Variants in NCOA3 observed in about 807,000 individuals in gnomAD.
NCOA3 encodes nuclear receptor coactivator 3.
NCOA3 carries 51 observed loss-of-function variants against 158.8 expected under a neutral mutation model. The observed-to-expected ratio is 0.32, with a 90% CI of 0.26 to 0.41. The LOEUF (loss-of-function observed/expected upper bound fraction) is 0.41, where lower values mean the gene tolerates loss of function less well. Among genes scored for constraint, NCOA3 ranks in the 10% least tolerant of loss-of-function variants. NCOA3 has a pLI of 1.00. For missense variants in NCOA3, 1,510 were observed against 1,746.6 expected, an observed-to-expected ratio of 0.86 and a Z score of 2.41; for synonymous variants, 537 against 592.4, an observed-to-expected ratio of 0.91 and a Z score of 1.36.
At chr20:47,523,699 C>G (rs72661191) in intron 1 of NCOA3, among the ~76,000 whole-genome samples, 14 of 152,276 alleles carry the variant, frequency 9.2e-5, no homozygotes, top group Admixed American at 3.9e-4. Flanking sequence ...CAGCATGTTT[C>G]GTTTAAAACT....
At chr20:47,642,164 T>G in intron 16 of NCOA3, 49 bp from the exon 17 acceptor site, 1 of 1,416,638 alleles carries the variant, frequency 7.1e-7, no homozygotes, top group Non-Finnish European at 9.5e-7. Flanking sequence ...TCTATTACTC[T>G]TAGAAAAAAA....
Position 47,635,790 on chromosome 20 carries a change from A to C in NCOA3, c.1504+77A>C. ...TTTCCATACTACTATAATTCTTGTAAAGTTAATCTATTTTATAATAGAAAC... is the reference window on the plus strand; with the variant it reads ...TTTCCATACTACTATAATTCTTGTACAGTTAATCTATTTTATAATAGAAAC... On this transcript the variant is annotated intron_variant, in intron 11 of 22. Transcript: ENST00000371998. 2.7e-6 allele frequency: 4 copies of C among 1,488,698 alleles called. No individual in the cohort carries two copies. In the South Asian group the frequency reaches 4.1e-5, roughly 15 times the overall value. The allele number at this position is 1,488,698 out of a possible 1,614,324, so 92.2% of individuals were successfully genotyped here.
intron 1 of NCOA3, among the ~76,000 whole-genome samples, chr20:47,546,926 GCCT>G (rs2084839286): frequency 1.3e-5 from 2 of 152,134 alleles, no homozygotes; most frequent in South Asian, 4.2e-4. Context: ...GCACATTCTT[GCCT>G]TTGGGTATGC....
chr20:47,503,913 G>A (rs548424176), intron 1 of NCOA3, among the ~76,000 whole-genome samples: 10 of 152,230 alleles, frequency 6.6e-5, no homozygotes, highest in African/African-American at 2.2e-4. Context: ...TGTATAGATG[G>A]AAATGACTTA....
intron 1 of NCOA3, among the ~76,000 whole-genome samples, chr20:47,552,433 G>A (rs1179719723): frequency 6.6e-6 from 1 of 152,152 alleles, no homozygotes; most frequent in African/African-American, 2.4e-5. Context: ...TATGAGGCAA[G>A]AGCAAAGATT....
At chr20:47,615,510 G>A (rs1337968585) in intron 2 of NCOA3, among the ~76,000 whole-genome samples, 2 of 152,280 alleles carry the variant, frequency 1.3e-5, no homozygotes, top group East Asian at 3.9e-4. Flanking sequence ...TAACCAAAAG[G>A]AAAGCTGATT....
intron 6 of NCOA3, 27 bp from the exon 7 acceptor site, chr20:47,627,534 A>C: frequency 1.3e-6 from 2 of 1,567,508 alleles, no homozygotes; most frequent in Non-Finnish European, 1.7e-6. Flanking sequence ...AGCTTTTTAA[A>C]ATGTCATTTC....
intron 19 of NCOA3, among the ~76,000 whole-genome samples, chr20:47,649,705 G>C (rs1391834532): frequency 1.3e-5 from 2 of 152,116 alleles, no homozygotes; most frequent in African/African-American, 4.8e-5. Flanking sequence ...AAAAGCAACT[G>C]TGAAATGCTC....
At chr20:47,646,024 G>A (rs2146338878) in intron 17 of NCOA3, among the ~76,000 whole-genome samples, 1 of 152,292 alleles carries the variant, frequency 6.6e-6, no homozygotes, top group Middle Eastern at 3.4e-3. Context: ...TGGTGATGCT[G>A]TGTACCGTCA....
At chr20:47,547,498 C>T (rs1326034378) in intron 1 of NCOA3, among the ~76,000 whole-genome samples, 17 of 151,870 alleles carry the variant, frequency 1.1e-4, no homozygotes. Context: ...CTGCAAGCTC[C>T]ACCTCCCGGG....
At chr20:47,562,327 C>T (rs1401329359) in intron 1 of NCOA3, among the ~76,000 whole-genome samples, 1 of 152,192 alleles carries the variant, frequency 6.6e-6, no homozygotes, top group Non-Finnish European at 1.5e-5. Context: ...GCCCAACTGT[C>T]TTCCAAAATG....
rs116141083 is a variant in NCOA3, at chr20:47,513,445, G to A, written c.-99+11426G>A. On this transcript the variant is annotated intron_variant, in intron 1 of 22. Coordinates refer to ENST00000371998, the MANE Select transcript of NCOA3 (RefSeq NM_181659.3). The stretch of plus-strand genomic sequence containing the variant: ...ATTAGAAATTTCTAAGCAACTATTA[G>A]CCGGGCGAGGCGGCTCAAGCCTGTA... Among the ~76,000 whole-genome samples the A allele has an allele frequency of 5.0e-3, 762 of 152,116 alleles. 5 individuals carry two copies. Among genetic ancestry groups the A allele is most frequent in the African/African-American group, 0.017 (712 of 41,492 alleles).
At chr20:47,594,608 T>C (rs988250649) in intron 2 of NCOA3, among the ~76,000 whole-genome samples, 1 of 130,474 alleles carries the variant, frequency 7.7e-6, no homozygotes, top group Non-Finnish European at 1.5e-5. Context: ...GAGGTTGCAG[T>C]GAGTGGAGAT....
chr20:47,512,426 G>A (rs755515077), intron 1 of NCOA3, among the ~76,000 whole-genome samples: 1 of 151,770 alleles, frequency 6.6e-6, no homozygotes, highest in South Asian at 2.1e-4. Context: ...AAATTAGCCG[G>A]GCATGGTGGC....
intron 1 of NCOA3, among the ~76,000 whole-genome samples, chr20:47,543,382 T>C (rs759892181): frequency 3.3e-5 from 5 of 152,208 alleles, no homozygotes; most frequent in Admixed American, 6.5e-5. Flanking sequence ...ATCTTGGTGC[T>C]GGCTACTACA....
Position 47,649,060 on chromosome 20 carries a change from G to C in NCOA3, c.3602G>C (p.Gly1201Ala). 6.2e-7 allele frequency: 1 copy of C among 1,614,120 alleles called. No homozygotes were observed. Among genetic ancestry groups the C allele is most frequent in the Non-Finnish European group, 8.5e-7 (1 of 1,179,996 alleles). The change falls in exon 19 of 23, where the codon GGT becomes GCT. Residue 1201 changes from glycine (G) to alanine (A), a missense_variant. Transcript: ENST00000371998. ...LELKMENPTAGGAAVMRPMMQ... is the reference protein window; with the variant it reads ...LELKMENPTAAGAAVMRPMMQ... ...TTGAAAATGGAAAACCCTACTGCTG[G>C]TGGTGCTGCGGTGATGAGGCCTATG... is the stretch of plus-strand genomic sequence containing the variant.
intron 1 of NCOA3, among the ~76,000 whole-genome samples, chr20:47,577,857 GTTTAA>G (rs2085395691): frequency 6.6e-6 from 1 of 152,138 alleles, no homozygotes; most frequent in African/African-American, 2.4e-5. Context: ...AGAACTAAAT[GTTTAA>G]TTTATTAAAT....
Position 47,622,349 on chromosome 20 carries a change from G to T in NCOA3, c.83+19G>T, listed in dbSNP as rs139254352. 1.1e-4 allele frequency: 168 copies of T among 1,506,636 alleles called. 1 individual carries two copies. The East Asian group carries it at 3.9e-3, about 35-fold the overall frequency. 93.3% of individuals were successfully genotyped at this position (1,506,636 alleles called of 1,614,324 possible). On this transcript the variant is annotated intron_variant, in intron 3 of 22. Coordinates refer to ENST00000371998, the MANE Select transcript of NCOA3 (RefSeq NM_181659.3). ...GACAAGGGTAGGTGACTTATTTCCT[G>T]GTGCTTTACCACACTTGTTGTGCCT...
At chr20:47,588,598 A>G (rs763034501) in intron 2 of NCOA3, among the ~76,000 whole-genome samples, 2 of 152,206 alleles carry the variant, frequency 1.3e-5, no homozygotes, top group Admixed American at 1.3e-4. Flanking sequence ...AGTCAAAATT[A>G]TACAAAAGGC....
Sources: allele counts gnomAD v4.1 joint callset (sites outside exome capture counted in the v4.1 genomes callset), GRCh38; gene constraint gnomAD v4.1.1; transcripts MANE v1.5; gene names NCBI Gene and HGNC (gene_info 2026-07-23, HGNC 2026-07-21).